Variants in ADGRV1 observed in about 807,000 individuals in gnomAD.
The protein encoded by ADGRV1 is G-protein coupled receptor 98.
In ADGRV1, 359 loss-of-function variants were observed where a neutral mutation model predicts 596.2. The ratio of observed to expected loss-of-function variants is 0.60; its 90% CI spans 0.55 to 0.66. The LOEUF is 0.66. ADGRV1 is among the 30% of genes least tolerant of loss of function. ADGRV1 has a pLI of 0.00. For missense variants in ADGRV1, 7,274 were observed against 7,575.6 expected (o/e 0.96, Z 1.48); for synonymous variants, 2,681 against 2,679.2 (o/e 1.00, Z -0.02).
intron 78 of ADGRV1, among the ~76,000 whole-genome samples, chr5:90,842,041 A>C (rs1765477988): frequency 6.6e-6 from 1 of 152,212 alleles, no homozygotes; most frequent in African/African-American, 2.4e-5. Flanking sequence ...GACAATGCCA[A>C]GTTGTTTTTG....
chr5:90,797,694 G>A (rs900494226), intron 70 of ADGRV1, among the ~76,000 whole-genome samples: 24 of 152,054 alleles, frequency 1.6e-4, no homozygotes, highest in Admixed American at 9.8e-4. Flanking sequence ...GCACCTCGTC[G>A]CACTTATTCT....
Position 90,642,778 on chromosome 5 carries a change from A to T in ADGRV1, c.2367+16A>T. 6.2e-7 allele frequency: 1 copy of T among 1,608,476 alleles called. No homozygotes were observed. The highest frequency in any genetic ancestry group is 8.5e-7 in the Non-Finnish European group (1 of 1,178,256). On this transcript the variant is annotated intron_variant, in intron 12 of 89. Transcript: ENST00000405460. ...TGTTATAAAAGTAAGTACGAAAAAA[A>T]CTTCCATTTATTCTGTGCTCACAAC...
In ADGRV1 at chr5:90,645,972, C is replaced by T. The variant is rs529439852; in HGVS notation, c.2903C>T (p.Pro968Leu). 3.8e-6 allele frequency: 6 copies of T among 1,581,518 alleles called. No homozygotes were observed. Among genetic ancestry groups the T allele is most frequent in the South Asian group, 2.4e-5 (2 of 83,598 alleles). The part of the protein sequence containing the change: ...ITIYSLPDEI[P>L]EEMEEFTVIL... Reference sequence around the variant, plus strand: ...AACGTGTAACATTTTCCAAAGATTCCAGAAGAAATGGAAGAATTTACCGTT... The same window carrying T: ...AACGTGTAACATTTTCCAAAGATTCTAGAAGAAATGGAAGAATTTACCGTT... The change falls in exon 16 of 90, where the codon CCA becomes CTA. Residue 968 changes from proline to leucine, a missense_variant. By Grantham distance (98) the Pro-to-Leu change is moderately conservative (BLOSUM62 -3). Coordinates refer to ENST00000405460, the MANE Select transcript of ADGRV1 (RefSeq NM_032119.4).
chr5:90,989,211 A>G (rs12186463), intron 85 of ADGRV1, among the ~76,000 whole-genome samples: 151,817 of 151,996 alleles, frequency 1, 75,819 homozygotes, highest in Middle Eastern at 1. Context: ...CTGAGGAATC[A>G]TCACACTGAC....
intron 42 of ADGRV1, 31 bp from the exon 43 acceptor site, chr5:90,716,436 A>G (rs987034809): frequency 1.3e-6 from 2 of 1,498,592 alleles, no homozygotes; most frequent in Non-Finnish European, 1.8e-6. Context: ...TTCTATTTTC[A>G]TTTGTTGCTT....
In ADGRV1 at chr5:90,628,744, A is replaced by G; in HGVS notation, c.1421A>G (p.Asp474Gly). ...LATIPLTVVD[D>G]DLPEEAEAYL... Reference sequence around the variant, plus strand: ...ACAATTCCTCTTACTGTGGTTGATGATGATCTTCCAGAAGAGGCAGAAGCT... The same window carrying G: ...ACAATTCCTCTTACTGTGGTTGATGGTGATCTTCCAGAAGAGGCAGAAGCT... The change falls in exon 8 of 90, where the codon GAT (aspartate) becomes GGT (glycine). Residue 474 changes from aspartate to glycine, a missense_variant. Asp to Gly is a moderately conservative substitution (Grantham distance 94). Transcript: ENST00000405460. 4 of 1,613,970 alleles carry G rather than the reference A, an allele frequency of 2.5e-6. No individual in the cohort carries two copies. The highest frequency in any genetic ancestry group is 1.1e-5 in the South Asian group (1 of 91,088).
chr5:91,031,129 A>G (rs575079289), intron 85 of ADGRV1: 1 of 1,351,074 alleles, frequency 7.4e-7, no homozygotes, highest in East Asian at 2.3e-5. Flanking sequence ...GTAAAAGAAC[A>G]GAAACATCTG....
chr5:90,778,927 G>A lies in ADGRV1; in HGVS notation c.12912G>A (p.Thr4304=), dbSNP rs1200894020. ...DFGHVRLWYK[T]MSGTAEAGLD... ...GCCATGTGCGACTCTGGTACAAGAC[G>A]ATGAGCGGGACAGCGGAAGCAGGCT... The change falls in exon 64 of 90, where the codon ACG becomes ACA. Residue 4304 remains threonine, a synonymous_variant. Coordinates refer to ENST00000405460, the MANE Select transcript of ADGRV1 (RefSeq NM_032119.4). 2.5e-6 allele frequency: 4 copies of A among 1,613,418 alleles called. No homozygotes were observed. Among genetic ancestry groups the A allele is most frequent in the Admixed American group, 1.7e-5 (1 of 59,980 alleles).
chr5:90,792,402 C>T (rs1308707647), intron 70 of ADGRV1: 1 of 152,130 alleles, frequency 6.6e-6, no homozygotes, highest in Non-Finnish European at 1.5e-5. Flanking sequence ...ACAGTGCTAC[C>T]TTTTGATGTG....
chr5:90,585,456 A>T (rs1758631299), intron 1 of ADGRV1, among the ~76,000 whole-genome samples: 2 of 152,174 alleles, frequency 1.3e-5, no homozygotes, highest in Admixed American at 6.5e-5. Context: ...TGAGGGAATT[A>T]AGGAGGCCTA....
intron 87 of ADGRV1, among the ~76,000 whole-genome samples, chr5:91,138,783 T>C (rs1794859105): frequency 6.6e-6 from 1 of 151,840 alleles, no homozygotes; most frequent in African/African-American, 2.4e-5. Context: ...TTTTTTTTTT[T>C]TTTTTTTAAA....
chr5:90,558,875 G>A lies in ADGRV1; in HGVS notation c.-21G>A, dbSNP rs770240032. On this transcript the variant is annotated 5_prime_UTR_variant, in exon 1 of 90. Transcript: ENST00000405460. The stretch of plus-strand genomic sequence containing the variant: ...AGCGAGGGTGTGTGGAGGGCCGGCG[G>A]GGACCGCCGGGAGCGCGCGGATGTC... The A allele has an allele frequency of 2.6e-6, 4 of 1,559,854 alleles. No homozygotes were observed. The East Asian group carries it at 9.5e-5, about 37-fold the overall frequency.
chr5:91,107,182 C>T (rs556439040), intron 87 of ADGRV1, among the ~76,000 whole-genome samples: 1 of 149,402 alleles, frequency 6.7e-6, no homozygotes, highest in East Asian at 2.0e-4. Flanking sequence ...GGTCTGGGAA[C>T]TACAGTTTGA....
intron 70 of ADGRV1, among the ~76,000 whole-genome samples, chr5:90,799,770 AC>A (rs1407431764): frequency 6.6e-6 from 1 of 151,964 alleles, no homozygotes; most frequent in Non-Finnish European, 1.5e-5. Context: ...TCAGAAATAC[AC>A]CACACATCTA....
chr5:90,774,663 A>G (rs1758037299), intron 60 of ADGRV1, among the ~76,000 whole-genome samples: 2 of 152,150 alleles, frequency 1.3e-5, no homozygotes, highest in African/African-American at 4.8e-5. Context: ...ATTCAACGTG[A>G]CATAACAGGA....
chr5:90,756,196 T>G (rs536326737), intron 55 of ADGRV1, among the ~76,000 whole-genome samples: 7 of 152,274 alleles, frequency 4.6e-5, no homozygotes, highest in African/African-American at 1.7e-4. Context: ...TCAGGATAGA[T>G]TTTTAAAAAT....
intron 83 of ADGRV1, among the ~76,000 whole-genome samples, chr5:90,953,678 T>TAA (rs200527617): frequency 2.5e-3 from 373 of 152,232 alleles, no homozygotes; most frequent in African/African-American, 8.7e-3. Context: ...ATTCAAAGTT[T>TAA]AAAACATATA....
At chr5:91,081,368 G>A (rs1468896958) in intron 86 of ADGRV1, among the ~76,000 whole-genome samples, 3 of 152,110 alleles carry the variant, frequency 2.0e-5, no homozygotes, top group Non-Finnish European at 4.4e-5. Context: ...TATTACAGCT[G>A]TCTTGAGACC....
chr5:91,153,583 C>T (rs1405818050), intron 89 of ADGRV1, among the ~76,000 whole-genome samples, 185 bp downstream of exon 89: 1 of 152,080 alleles, frequency 6.6e-6, no homozygotes, highest in Non-Finnish European at 1.5e-5. Flanking sequence ...GTAAGACAAC[C>T]TAAAAATAAT....
Sources: gnomAD v4.1 joint callset for allele counts (sites outside exome capture counted in the v4.1 genomes callset) on GRCh38, gnomAD v4.1.1 for gene constraint, MANE v1.5 for transcripts, NCBI Gene and HGNC (gene_info 2026-07-23, HGNC 2026-07-21) for gene names.